The following ZNF805 variants were observed in gnomAD, a reference collection of about 807,000 sequenced individuals.
ZNF805 encodes CTC-444N24.8.
A neutral mutation model predicts 13.6 loss-of-function variants in ZNF805; 7 were observed. That is an observed-to-expected ratio of 0.51 (90% confidence interval 0.29 to 0.97). ZNF805 has a LOEUF of 0.97. Among genes scored for constraint, ZNF805 ranks in the 50% least tolerant of loss-of-function variants. ZNF805 has a pLI of 0.08. For missense variants in ZNF805, 604 were observed against 771.0 expected (o/e 0.78, Z 2.57); for synonymous variants, 293 against 279.8 (o/e 1.05, Z -0.47).
rs867068600 is a variant in ZNF805 at position 57,244,006 on chromosome 19, C to T, written c.114C>T (p.Tyr38=). The change falls in exon 2 of 4, where the codon TAC becomes TAT. Residue 38 remains tyrosine, a synonymous_variant. Coordinates refer to ENST00000414468, the MANE Select transcript of ZNF805 (RefSeq NM_001023563.4). ...TGGACCTAGCTCAGCGGACCCTGTA[C>T]CAGGAGGTGATGCTGGAAAACTGTG... ...GQLDLAQRTL[Y]QEVMLENCGL... 4 of 1,614,050 alleles carry T rather than the reference C, an allele frequency of 2.5e-6. No individual in the cohort carries two copies. Among genetic ancestry groups the T allele is most frequent in the Non-Finnish European group, 3.4e-6 (4 of 1,179,992 alleles).
Position 57,254,986 on chromosome 19 carries a change from AAGTT to A in ZNF805, c.*287_*290del, listed in dbSNP as rs1461099194. 1.1e-4 allele frequency: 33 copies of A among 294,722 alleles called. No homozygotes were observed. In the Middle Eastern group the frequency reaches 3.3e-3, roughly 30 times the overall value. The allele number at this position is 294,722 out of a possible 1,614,324, so 18.3% of individuals were successfully genotyped here. ...TGTACATTTCTGTCCTGTGTCAGGAAAGTTAGTAAGGGAAGGTCTGGAAACTTAC... is the reference window on the plus strand; with the variant it reads ...TGTACATTTCTGTCCTGTGTCAGGAAAGTAAGGGAAGGTCTGGAAACTTAC... On this transcript the variant is annotated 3_prime_UTR_variant, in exon 4 of 4. Transcript: ENST00000414468.
intron 2 of ZNF805, among the ~76,000 whole-genome samples, chr19:57,244,546 G>A (rs117831753): frequency 0.012 from 1,849 of 152,108 alleles, 24 homozygotes; most frequent in Non-Finnish European, 0.02. Context: ...TCCATGCATC[G>A]CTTTGGACAA....
Position 57,257,115 on chromosome 19 carries a change from A to G in ZNF805, c.*2412A>G, listed in dbSNP as rs536188337. ...TCCCTGCTATTTGTTATTGATTTCT[A>G]ATTTGTTTTGCATTTGATGTTACTG... On this transcript the variant is annotated 3_prime_UTR_variant, in exon 4 of 4. Transcript: ENST00000414468. Among the ~76,000 whole-genome samples the G allele has an allele frequency of 6.6e-6, 1 of 152,136 alleles. No homozygotes were observed. Among genetic ancestry groups the G allele is most frequent in the Non-Finnish European group, 1.5e-5 (1 of 67,984 alleles).
rs897500730 is a variant in ZNF805 at position 57,255,244 on chromosome 19, G to A, written c.*541G>A. On this transcript the variant is annotated 3_prime_UTR_variant, in exon 4 of 4. Coordinates refer to ENST00000414468, the MANE Select transcript of ZNF805 (RefSeq NM_001023563.4). Reference sequence around the variant, plus strand: ...TGAGAATTTTTCTTGATTCCCATCTGTTGGTTTACTTGATTGCTATAGCTG... The same window carrying A: ...TGAGAATTTTTCTTGATTCCCATCTATTGGTTTACTTGATTGCTATAGCTG... The A allele has an allele frequency of 2.4e-5, 4 of 167,010 alleles. No individual in the cohort carries two copies. Among genetic ancestry groups the A allele is most frequent in the Non-Finnish European group, 5.9e-5 (4 of 68,124 alleles). The allele number at this position is 167,010 out of a possible 1,614,324, so 10.3% of individuals were successfully genotyped here. A position where few individuals can be genotyped will look rare whatever the true frequency, so the allele number is the denominator to read the frequency against.
chr19:57,247,296 G>A lies in ZNF805; in HGVS notation c.158-1309G>A, dbSNP rs1014834170. On this transcript the variant is annotated intron_variant, in intron 2 of 3. Transcript: ENST00000414468. Reference sequence around the variant, plus strand: ...CACTGACCTGCCCCTCATCCTGGCCGCTGGTCCCTGAGGATGAATCCTCCA... The same window carrying A: ...CACTGACCTGCCCCTCATCCTGGCCACTGGTCCCTGAGGATGAATCCTCCA... 5.3e-5 allele frequency among the ~76,000 whole-genome samples: 8 copies of A among 152,270 alleles called. No individual in the cohort carries two copies. In the South Asian group the frequency reaches 1.4e-3, roughly 28 times the overall value.
chr19:57,256,634 TG>T lies in ZNF805; in HGVS notation c.*1933del, dbSNP rs1262455176. ...GAAATATTTCCTTTTATCCTCTTGA[TG>T]GCAGCAGGATCTGTACTTATGTTCC... is the stretch of plus-strand genomic sequence containing the variant. On this transcript the variant is annotated 3_prime_UTR_variant, in exon 4 of 4. Coordinates refer to ENST00000414468, the MANE Select transcript of ZNF805 (RefSeq NM_001023563.4). Among the ~76,000 whole-genome samples the T allele has an allele frequency of 6.6e-6, 1 of 152,194 alleles. No homozygotes were observed. Among genetic ancestry groups the T allele is most frequent in the Admixed American group, 6.5e-5 (1 of 15,288 alleles).
chr19:57,248,774 C>G, intron 3 of ZNF805, 74 bp downstream of exon 3: 1 of 1,336,176 alleles, frequency 7.5e-7, no homozygotes, highest in South Asian at 1.3e-5. Flanking sequence ...GCCCTGGGAT[C>G]TCTTGGGAAG....
chr19:57,258,566 T>C lies in ZNF805; in HGVS notation c.*3863T>C, dbSNP rs1272332999. Among the ~76,000 whole-genome samples, 3 of 151,866 alleles carry C rather than the reference T, an allele frequency of 2.0e-5. No individual in the cohort carries two copies. The highest frequency in any genetic ancestry group is 2.1e-4 in the South Asian group (1 of 4,822). ...TGCTTTAAGTAGTATAATGTACATA[T>C]GTAACATAATTACAGTTAATGGTAT... On this transcript the variant is annotated 3_prime_UTR_variant, in exon 4 of 4. Transcript: ENST00000414468.
chr19:57,252,335 T>C (rs2087656720), intron 3 of ZNF805, among the ~76,000 whole-genome samples: 1 of 152,156 alleles, frequency 6.6e-6, no homozygotes, highest in Non-Finnish European at 1.5e-5. Flanking sequence ...AATTCAGGGA[T>C]TTCCTGAAAC....
rs1328657169 is a variant in ZNF805, at chr19:57,253,044, A to G, written c.254-29A>G. The G allele has an allele frequency of 3.6e-6, 5 of 1,393,420 alleles. No individual in the cohort carries two copies. In the East Asian group the frequency reaches 7.9e-5, roughly 22 times the overall value. The allele number at this position is 1,393,420 out of a possible 1,614,324, so 86.3% of individuals were successfully genotyped here. A position where few individuals can be genotyped will look rare whatever the true frequency, so the allele number is the denominator to read the frequency against. ...TTCTTCTCTTTTTACATTACTAACA[A>G]GCCCTTCTGTGTGTTGGATTTCTTT... On this transcript the variant is annotated intron_variant, in intron 3 of 3. Transcript: ENST00000414468. The surrounding 1 kb of genome is among the most constrained non-coding windows in gnomAD (Gnocchi z 4.4).
rs869290620 is a variant in ZNF805 at position 57,257,698 on chromosome 19, C to CTT, written c.*3019_*3020dup. On this transcript the variant is annotated 3_prime_UTR_variant, in exon 4 of 4. Coordinates refer to ENST00000414468, the MANE Select transcript of ZNF805 (RefSeq NM_001023563.4). ...GTGGTTTTATATCCAGTTTGCGTAT[C>CTT]TTTTTTTTTTTTTTTTTTTTTTTTT... Among the ~76,000 whole-genome samples, 811 of 35,040 alleles carry CTT rather than the reference C, an allele frequency of 0.023. 18 individuals are homozygous for CTT. The highest frequency in any genetic ancestry group is 0.067 in the African/African-American group (531 of 7,940). The allele number at this position is 35,040 out of a possible 152,430, so 23.0% of individuals were successfully genotyped here.
chr19:57,243,694 T>C (rs1249681667), intron 1 of ZNF805, among the ~76,000 whole-genome samples: 1 of 152,230 alleles, frequency 6.6e-6, no homozygotes, highest in Non-Finnish European at 1.5e-5. Context: ...CCACGAGTTA[T>C]TGCCATTGTC....
intron 3 of ZNF805, among the ~76,000 whole-genome samples, chr19:57,250,155 A>G (rs1178620660): frequency 2.0e-5 from 3 of 152,142 alleles, no homozygotes; most frequent in African/African-American, 4.8e-5. Context: ...CATCCAGCCT[A>G]TCTCCACAGC....
rs776726645 is a variant in ZNF805 at position 57,261,817 on chromosome 19, C to G, written c.*7114C>G. 1.2e-5 allele frequency: 2 copies of G among 166,920 alleles called. No individual in the cohort carries two copies. Among genetic ancestry groups the G allele is most frequent in the African/African-American group, 4.8e-5 (2 of 41,376 alleles). 10.3% of individuals were successfully genotyped at this position (166,920 alleles called of 1,614,324 possible). A position where few individuals can be genotyped will look rare whatever the true frequency, so the allele number is the denominator to read the frequency against. ...ACTCAATGGCTATGATTTACCACAC[C>G]GAAAGAATCCAGAGCAAACTCAGCA... On this transcript the variant is annotated 3_prime_UTR_variant, in exon 4 of 4. Transcript: ENST00000414468.
Position 57,260,192 on chromosome 19 carries a change from C to T in ZNF805, c.*5489C>T, listed in dbSNP as rs916683336. On this transcript the variant is annotated 3_prime_UTR_variant, in exon 4 of 4. Transcript: ENST00000414468. ...CACACCCTTCCCCAACCAAACTTGT[C>T]TAAGTCCTCTGTCTTTCATACTCTT... is the stretch of plus-strand genomic sequence containing the variant. Among the ~76,000 whole-genome samples, 1 of 152,222 alleles carries T rather than the reference C, an allele frequency of 6.6e-6. No homozygotes were observed. Among genetic ancestry groups the T allele is most frequent in the Non-Finnish European group, 1.5e-5 (1 of 68,040 alleles).
At position 57,240,837 on chromosome 19, in the gene ZNF805, G is replaced by C; in HGVS notation, c.-55G>C. 1 of 1,530,538 alleles carries C rather than the reference G, an allele frequency of 6.5e-7. No individual in the cohort carries two copies. The highest frequency in any genetic ancestry group is 8.8e-7 in the Non-Finnish European group (1 of 1,133,612). The allele number at this position is 1,530,538 out of a possible 1,614,324, so 94.8% of individuals were successfully genotyped here. On this transcript the variant is annotated 5_prime_UTR_variant, in exon 1 of 4. Coordinates refer to ENST00000414468, the MANE Select transcript of ZNF805 (RefSeq NM_001023563.4). ...AGGGGTGGGGCTCGGCTGAGCCCGC[G>C]AGACCCGCCCTGCTCGCCGCAGCCC...
At position 57,248,474 on chromosome 19, in the gene ZNF805, C is replaced by T. The variant is rs2087632287; in HGVS notation, c.158-131C>T. On this transcript the variant is annotated intron_variant, in intron 2 of 3. Transcript: ENST00000414468. Reference sequence around the variant, plus strand: ...CCTTGGTTTCTAGATCACGTGCTAACTTTTTGTTCCCATGGATGGGTGTAG... The same window carrying T: ...CCTTGGTTTCTAGATCACGTGCTAATTTTTTGTTCCCATGGATGGGTGTAG... 2.0e-5 allele frequency: 16 copies of T among 813,470 alleles called. 1 individual carries two copies. The South Asian group carries it at 2.4e-4, about 12-fold the overall frequency. The allele number at this position is 813,470 out of a possible 1,614,324, so 50.4% of individuals were successfully genotyped here.
chr19:57,243,291 A>G (rs1342571183), intron 1 of ZNF805, among the ~76,000 whole-genome samples: 1 of 152,196 alleles, frequency 6.6e-6, no homozygotes, highest in Non-Finnish European at 1.5e-5. Flanking sequence ...AGTGACTGTG[A>G]CATGGAGGTG....
At position 57,260,626 on chromosome 19, in the gene ZNF805, A is replaced by T. The variant is rs994991659; in HGVS notation, c.*5923A>T. ...AAAACAGCTTTACTTCCCAGCATCC[A>T]TCATGATCATTGCTGTTTTCTAACT... is the stretch of plus-strand genomic sequence containing the variant. On this transcript the variant is annotated 3_prime_UTR_variant, in exon 4 of 4. Transcript: ENST00000414468. 6.6e-6 allele frequency among the ~76,000 whole-genome samples: 1 copy of T among 152,122 alleles called. No individual in the cohort carries two copies. The highest frequency in any genetic ancestry group is 1.5e-5 in the Non-Finnish European group (1 of 68,032).
Sources: gnomAD v4.1 joint callset for allele counts (sites outside exome capture counted in the v4.1 genomes callset) on GRCh38, gnomAD v4.1.1 for gene constraint, Gnocchi (gnomAD v3.1) non-coding constraint, MANE v1.5 for transcripts, NCBI Gene and HGNC (gene_info 2026-07-23, HGNC 2026-07-21) for gene names.